The following MCM3AP variants were observed in gnomAD, a reference collection of about 807,000 sequenced individuals.
The protein encoded by MCM3AP is minichromosome maintenance complex component 3 associated protein, also known as germinal-center associated nuclear protein.
MCM3AP carries 126 observed loss-of-function variants against 184.1 expected under a neutral mutation model. The ratio of observed to expected loss-of-function variants is 0.68; its 90% CI spans 0.59 to 0.79. The LOEUF (loss-of-function observed/expected upper bound fraction) is 0.79, where lower values mean the gene tolerates loss of function less well. Among genes scored for constraint, MCM3AP ranks in the 30% least tolerant of loss-of-function variants. The probability of loss-of-function intolerance (pLI) is 0.00; values close to 1 mark genes in which losing one functional copy is unlikely to be tolerated. For missense variants in MCM3AP, 2,496 were observed against 2,479.2 expected, an observed-to-expected ratio of 1.01 and a Z score of -0.14; for synonymous variants, 1,002 against 979.3, an observed-to-expected ratio of 1.02 and a Z score of -0.43.
intron 10 of MCM3AP, chr21:46,266,512 AGAG>A (rs1394018060): frequency 1.7e-5 from 4 of 240,106 alleles, no homozygotes; most frequent in Non-Finnish European, 2.4e-5. Context: ...GTGAGGAGTT[AGAG>A]GAGACAGGGT....
intron 24 of MCM3AP, 137 bp from the exon 25 acceptor site, chr21:46,243,068 C>T: frequency 1.2e-6 from 1 of 800,518 alleles, no homozygotes. Flanking sequence ...TGCTTAAATT[C>T]ACTGATTTAA....
chr21:46,256,146 G>A (rs771683196), intron 17 of MCM3AP, among the ~76,000 whole-genome samples: 1 of 152,144 alleles, frequency 6.6e-6, no homozygotes, highest in African/African-American at 2.4e-5. Flanking sequence ...AGGGAGCCCT[G>A]AGGCCAGGCA....
intron 25 of MCM3AP, 96 bp downstream of exon 25, chr21:46,242,706 G>A (rs760259945): frequency 7.2e-5 from 91 of 1,260,550 alleles, no homozygotes; most frequent in Non-Finnish European, 9.9e-5. Flanking sequence ...TGCCCACAGT[G>A]GACTGGATTT....
Position 46,259,108 on chromosome 21 carries a change from C to A in MCM3AP, c.3582-17G>T. 4 of 1,600,840 alleles carry A rather than the reference C, an allele frequency of 2.5e-6. No individual in the cohort carries two copies. The highest frequency in any genetic ancestry group is 3.4e-6 in the Non-Finnish European group (4 of 1,173,746). ...ACTGCATTCCTAGAAACAGGGCAAT[C>A]AGCATGGAAGACACTGCACTTGGGG... On this transcript the variant is annotated splice_polypyrimidine_tract_variant and intron_variant, in intron 15 of 27. Transcript: ENST00000291688.
intron 25 of MCM3AP, 93 bp from the exon 26 acceptor site, chr21:46,241,110 AAC>A: frequency 1.2e-6 from 1 of 861,258 alleles, no homozygotes; most frequent in Non-Finnish European, 1.9e-6. Flanking sequence ...CATGTGCATT[AAC>A]ATGTAAGAAC....
chr21:46,279,895 A>C (rs2081307705), intron 4 of MCM3AP, 98 bp downstream of exon 4: 3 of 1,260,128 alleles, frequency 2.4e-6, no homozygotes, highest in Non-Finnish European at 3.2e-6. Context: ...TTGTCTCCTC[A>C]CCACTCCCCA....
chr21:46,246,726 T>A lies in MCM3AP; in HGVS notation c.4451A>T (p.Lys1484Met), dbSNP rs200215734. 2.5e-6 allele frequency: 4 copies of A among 1,614,230 alleles called. No homozygotes were observed. Among genetic ancestry groups the A allele is most frequent in the South Asian group, 1.1e-5 (1 of 91,084 alleles). Residue 1484 changes from lysine (K) to methionine (M), a missense_variant, in exon 21 of 28, where the codon AAG (lysine) becomes ATG (methionine). This residue lies in a region of MCM3AP where 1,323 missense variants were observed against 1,273.4 expected (regional missense o/e 1.04). Coordinates refer to ENST00000291688, the MANE Select transcript of MCM3AP (RefSeq NM_003906.5). ...VYWLSALLQL[K>M]QLLQAKPFQP... is the part of the protein sequence containing the mutation. ...GAAGGGCTTAGCCTGCAGGAGCTGC[T>A]TGAGCTGCAGCAAGGCCGACAGCCA... is the stretch of plus-strand genomic sequence containing the variant.
At chr21:46,286,109 AG>A (rs1447747046), upstream of MCM3AP, 4 of 152,118 alleles carry the variant, frequency 2.6e-5, no homozygotes, top group Non-Finnish European at 5.9e-5. Flanking sequence ...GCGTGGGGGA[AG>A]GAAACGGCGC....
intron 20 of MCM3AP, 135 bp downstream of exon 20, chr21:46,251,394 A>G (rs536951824): frequency 3.0e-5 from 21 of 694,884 alleles, no homozygotes; most frequent in Admixed American, 9.2e-5. Context: ...GACAGACATA[A>G]TACTTGCTTC....
At chr21:46,273,281 A>G (rs1186537713) in intron 7 of MCM3AP, 107 bp downstream of exon 7, 5 of 1,145,976 alleles carry the variant, frequency 4.4e-6, no homozygotes, top group Non-Finnish European at 6.3e-6. Flanking sequence ...GGCCCACAAA[A>G]GTACATTTTT....
chr21:46,251,806 A>G (rs112625586), intron 19 of MCM3AP, 124 bp from the exon 20 acceptor site: 14 of 561,880 alleles, frequency 2.5e-5, no homozygotes, highest in African/African-American at 1.5e-4. Flanking sequence ...GTCCACAAAT[A>G]CCACATCTTA....
chr21:46,246,598 T>G (rs376016459), intron 21 of MCM3AP, 30 bp downstream of exon 21: 71 of 1,604,784 alleles, frequency 4.4e-5, no homozygotes, highest in Non-Finnish European at 5.7e-5. Context: ...TAAACAATGC[T>G]GCTTCATAAA....
chr21:46,271,777 C>T (rs935095599), intron 8 of MCM3AP, among the ~76,000 whole-genome samples: 4 of 151,952 alleles, frequency 2.6e-5, no homozygotes, highest in African/African-American at 9.7e-5. Context: ...AAGAGAATCG[C>T]TTGAACCCAG....
At chr21:46,249,967 A>G (rs776096651) in intron 20 of MCM3AP, 19 of 164,664 alleles carry the variant, frequency 1.2e-4, no homozygotes, top group Non-Finnish European at 2.1e-4. Context: ...TATGCTCACA[A>G]TGATGGCACT....
intron 1 of MCM3AP, 45 bp downstream of exon 1, chr21:46,284,022 AC>A: frequency 6.4e-7 from 1 of 1,571,528 alleles, no homozygotes; most frequent in Non-Finnish European, 8.6e-7. Context: ...CGTATTGAAA[AC>A]CTGCCTGCAG....
At chr21:46,266,868 A>T in intron 10 of MCM3AP, 114 bp downstream of exon 10, 1 of 1,134,120 alleles carries the variant, frequency 8.8e-7, no homozygotes, top group South Asian at 1.5e-5. Flanking sequence ...CCTGCATGGC[A>T]GAGGGAATGC....
chr21:46,245,348 T>G (rs2080747631), intron 22 of MCM3AP, 151 bp from the exon 23 acceptor site: 1 of 707,214 alleles, frequency 1.4e-6, no homozygotes, highest in African/African-American at 1.8e-5. Flanking sequence ...AGAAGTGTCC[T>G]ATGCAGTTGA....
intron 25 of MCM3AP, 140 bp from the exon 26 acceptor site, chr21:46,241,157 C>G: frequency 3.0e-6 from 2 of 667,792 alleles, no homozygotes; most frequent in Non-Finnish European, 5.2e-6. Context: ...CCTGGAACAG[C>G]TCATGCTGGC....
At chr21:46,235,485 T>C in intron 27 of MCM3AP, 59 bp from the exon 28 acceptor site, 1 of 1,426,990 alleles carries the variant, frequency 7.0e-7, no homozygotes. Context: ...ACGACCTATC[T>C]CTGGGAAGGT....
Sources: gnomAD v4.1 joint callset for allele counts (sites outside exome capture counted in the v4.1 genomes callset) on GRCh38, gnomAD v4.1.1 for gene constraint, gnomAD v4.1.1 regional missense constraint, MANE v1.5 for transcripts, NCBI Gene and HGNC (gene_info 2026-07-23, HGNC 2026-07-21) for gene names.